Variants in SERPINA1 observed in about 807,000 individuals in gnomAD.
The protein encoded by SERPINA1 is serpin family A member 1, also known as alpha-1-antitrypsin.
SERPINA1 carries 21 observed loss-of-function variants against 25.4 expected under a neutral mutation model. That is an observed-to-expected ratio of 0.83 (90% CI 0.59 to 1.19). The LOEUF (loss-of-function observed/expected upper bound fraction) is 1.19. Ranked by LOEUF, SERPINA1 falls within the 50% of genes most tolerant of loss-of-function variation. The pLI, the probability that SERPINA1 is intolerant of heterozygous loss-of-function variation, is 0.00. For missense variants in SERPINA1, 546 were observed against 509.0 expected (o/e 1.07, Z -0.70); for synonymous variants, 218 against 211.1 (o/e 1.03, Z -0.29).
At position 94,380,555 on chromosome 14, in the gene SERPINA1, G is replaced by A. The variant is rs2070709; in HGVS notation, c.917+316C>T. 0.26 allele frequency: 110,646 copies of A among 423,328 alleles called. 16,470 individuals are homozygous for A. Among genetic ancestry groups the A allele is most frequent in the South Asian group, 0.43 (17,014 of 39,998 alleles). The allele number at this position is 423,328 out of a possible 1,614,324, so 26.2% of individuals were successfully genotyped here. On this transcript the variant is annotated intron_variant, in intron 3 of 4. Transcript: ENST00000393087. ...TGTTCCTTTTTGGTTCTGCCAGAAC[G>A]TGTGGTGGTGCTGCTGTCCCTGCCC... is the stretch of plus-strand genomic sequence containing the variant.
intron 1 of SERPINA1, among the ~76,000 whole-genome samples, chr14:94,385,733 C>A (rs1013140311): frequency 3.3e-5 from 5 of 152,146 alleles, no homozygotes; most frequent in Non-Finnish European, 7.4e-5. Flanking sequence ...GAATTCTGGG[C>A]TCAAAGGAGG....
At chr14:94,389,362 T>C (rs770216716), upstream of SERPINA1, among the ~76,000 whole-genome samples, 2 of 152,184 alleles carry the variant, frequency 1.3e-5, no homozygotes, top group Admixed American at 6.5e-5. Context: ...TGGCACACAG[T>C]AGGCTCTTTA....
At chr14:94,388,036 CTGGAGGGGA>C in intron 1 of SERPINA1, among the ~76,000 whole-genome samples, 1 of 152,176 alleles carries the variant, frequency 6.6e-6, no homozygotes, top group South Asian at 2.1e-4. Flanking sequence ...CTGGTCATAT[CTGGAGGGGA>C]TGGAGAATGT....
chr14:94,388,239 G>A (rs1897415412), intron 1 of SERPINA1, among the ~76,000 whole-genome samples: 1 of 152,196 alleles, frequency 6.6e-6, no homozygotes, highest in African/African-American at 2.4e-5. Context: ...TGCTGTTGCT[G>A]TATCTTGGCT....
At chr14:94,385,882 G>A (rs72706301) in intron 1 of SERPINA1, among the ~76,000 whole-genome samples, 4,697 of 152,296 alleles carry the variant, frequency 0.031, 281 homozygotes, top group Admixed American at 0.16. Context: ...GAAGCCCAGA[G>A]AGGGTCAGGG....
In SERPINA1 at chr14:94,379,039, G is replaced by T. The variant is rs976495618; in HGVS notation, c.1066-399C>A. 16 of 523,720 alleles carry T rather than the reference G, an allele frequency of 3.1e-5. No homozygotes were observed. In the Admixed American group the frequency reaches 3.2e-4, roughly 11 times the overall value. The allele number at this position is 523,720 out of a possible 1,614,324, so 32.4% of individuals were successfully genotyped here. A position where few individuals can be genotyped will look rare whatever the true frequency, so the allele number is the denominator to read the frequency against. ...ATTCATGGAACTGCAGTTGTTCATT[G>T]GTCGCCTTTAGTTTTCCAAAATAAG... On this transcript the variant is annotated intron_variant, in intron 4 of 4. Coordinates refer to ENST00000393087, the MANE Select transcript of SERPINA1 (RefSeq NM_000295.5).
rs866019159 is a variant in SERPINA1 at position 94,386,680 on chromosome 14, G to C, written c.-5+1880C>G. On this transcript the variant is annotated intron_variant, in intron 1 of 4. Transcript: ENST00000393087. ...GAGATGGTAGATTTCTTCCCGGAGA[G>C]CCTGCTGCACTCCCCAGGACCATTT... Among the ~76,000 whole-genome samples, 154 of 152,280 alleles carry C rather than the reference G, an allele frequency of 1.0e-3. 1 individual carries two copies. Among genetic ancestry groups the C allele is most frequent in the African/African-American group, 3.3e-3 (137 of 41,552 alleles).
In SERPINA1 at chr14:94,379,163, T is replaced by C. The variant is rs541316016; in HGVS notation, c.1065+301A>G. 6.8e-6 allele frequency: 4 copies of C among 591,492 alleles called. No individual in the cohort carries two copies. The Admixed American group carries it at 1.2e-4, about 18-fold the overall frequency. 36.6% of individuals were successfully genotyped at this position (591,492 alleles called of 1,614,324 possible). On this transcript the variant is annotated intron_variant, in intron 4 of 4. Transcript: ENST00000393087. Reference sequence around the variant, plus strand: ...TGAAACAACTTAGCCCAAACCTTTCTGTGTCAGTATGGATAAATCAAGGCC... The same window carrying C: ...TGAAACAACTTAGCCCAAACCTTTCCGTGTCAGTATGGATAAATCAAGGCC...
At chr14:94,383,610 C>A in intron 1 of SERPINA1, 1 of 311,132 alleles carries the variant, frequency 3.2e-6, no homozygotes, top group Non-Finnish European at 6.1e-6. Flanking sequence ...GGTCCTGCAC[C>A]CAGGCTCTGG....
At chr14:94,385,764 G>A in intron 1 of SERPINA1, among the ~76,000 whole-genome samples, 1 of 152,184 alleles carries the variant, frequency 6.6e-6, no homozygotes, top group Non-Finnish European at 1.5e-5. Context: ...GGTGCAGGGA[G>A]GGTGGCGAGG....
chr14:94,381,991 G>A (rs1896961813), intron 2 of SERPINA1, among the ~76,000 whole-genome samples: 1 of 152,220 alleles, frequency 6.6e-6, no homozygotes, highest in Non-Finnish European at 1.5e-5. Flanking sequence ...CTCAGGGGCA[G>A]GAAGGCAGCC....
Position 94,378,547 on chromosome 14 carries a change from C to T in SERPINA1, c.1159G>A (p.Glu387Lys), listed in dbSNP as rs121912712. The T allele has an allele frequency of 1.5e-4, 248 of 1,613,770 alleles. 1 individual carries two copies. Among genetic ancestry groups the T allele is most frequent in the East Asian group, 9.1e-4 (41 of 44,870 alleles). The stretch of plus-strand genomic sequence containing the variant: ...ACAAAGGGTTTGTTGAACTTGACCT[C>T]GGGGGGGATAGACATGGGTATGGCC... Reference protein sequence around the residue: ...LEAIPMSIPPEVKFNKPFVFL... With the variant: ...LEAIPMSIPPKVKFNKPFVFL... Residue 387 changes from glutamate to lysine, a missense_variant, in exon 5 of 5, where the codon GAG becomes AAG. Transcript: ENST00000393087.
rs1896499344 is a variant in SERPINA1 at position 94,378,176 on chromosome 14, G to A, written c.*273C>T. 1.9e-6 allele frequency: 1 copy of A among 539,458 alleles called. No homozygotes were observed. Among genetic ancestry groups the A allele is most frequent in the Admixed American group, 3.2e-5 (1 of 31,680 alleles). 33.4% of individuals were successfully genotyped at this position (539,458 alleles called of 1,614,324 possible). A position where few individuals can be genotyped will look rare whatever the true frequency, so the allele number is the denominator to read the frequency against. On this transcript the variant is annotated 3_prime_UTR_variant, in exon 5 of 5. Transcript: ENST00000393087. ...ACTGGAGCCCTCCAGAAACAGATGG[G>A]CCCAGGTCCGTAAGCTGAGGATTCA...
At chr14:94,390,100 C>T (rs770304531), upstream of SERPINA1, among the ~76,000 whole-genome samples, 1 of 152,150 alleles carries the variant, frequency 6.6e-6, no homozygotes, top group African/African-American at 2.4e-5. Context: ...TTCCTCCAGG[C>T]AGTCTCTCAT....
At chr14:94,386,296 G>T (rs1897281403) in intron 1 of SERPINA1, among the ~76,000 whole-genome samples, 1 of 152,190 alleles carries the variant, frequency 6.6e-6, no homozygotes, top group Admixed American at 6.5e-5. Flanking sequence ...AGCACTCTTT[G>T]CGGGGCCAGG....
rs1896497657 is a variant in SERPINA1, at chr14:94,378,140, G to A, written c.*309C>T. 6.7e-6 allele frequency: 3 copies of A among 450,302 alleles called. No homozygotes were observed. In the South Asian group the frequency reaches 7.3e-5, roughly 11 times the overall value. 27.9% of individuals were successfully genotyped at this position (450,302 alleles called of 1,614,324 possible). On this transcript the variant is annotated 3_prime_UTR_variant, in exon 5 of 5. Coordinates refer to ENST00000393087, the MANE Select transcript of SERPINA1 (RefSeq NM_000295.5). ...ATTCCTTCTTGGGGACTCCAAGACA[G>A]GACAAGGAAGACTGGAGCCCTCCAG...
chr14:94,379,317 A>T, intron 4 of SERPINA1, 147 bp downstream of exon 4: 1 of 1,203,158 alleles, frequency 8.3e-7, no homozygotes, highest in Non-Finnish European at 1.2e-6. Flanking sequence ...GTCCCGTGTC[A>T]GTGAATCACG....
chr14:94,381,048 C>G lies in SERPINA1; in HGVS notation c.740G>C (p.Arg247Pro). ...VTTVKVPMMK[R>P]LGMFNIQHCK... ...GTGCTGGATGTTAAACATGCCTAAA[C>G]GCTTCATCATAGGCACCTTCACGGT... Residue 247 changes from arginine (R) to proline (P), a missense_variant, in exon 3 of 5, where the codon CGT becomes CCT. Arg to Pro is a moderately radical substitution (Grantham distance 103). Transcript: ENST00000393087. 3 of 1,614,038 alleles carry G rather than the reference C, an allele frequency of 1.9e-6. No individual in the cohort carries two copies. Among genetic ancestry groups the G allele is most frequent in the Non-Finnish European group, 2.5e-6 (3 of 1,180,018 alleles).
At position 94,376,782 on chromosome 14, in the gene SERPINA1, A is replaced by G. The variant is rs893965856; in HGVS notation, c.*1667T>C. ...GTAGTTCTATTTATTCTCTGTTCTA[A>G]TGGGTATAAACATTTTGTTATCTAA... On this transcript the variant is annotated 3_prime_UTR_variant, in exon 5 of 5. Coordinates refer to ENST00000393087, the MANE Select transcript of SERPINA1 (RefSeq NM_000295.5). 6.6e-6 allele frequency: 1 copy of G among 152,216 alleles called. No homozygotes were observed. Among genetic ancestry groups the G allele is most frequent in the African/African-American group, 2.4e-5 (1 of 41,448 alleles). The allele number at this position is 152,216 out of a possible 1,614,324, so 9.4% of individuals were successfully genotyped here.
Sources: gnomAD v4.1 joint callset for allele counts (sites outside exome capture counted in the v4.1 genomes callset) on GRCh38, gnomAD v4.1.1 for gene constraint, MANE v1.5 for transcripts, NCBI Gene and HGNC (gene_info 2026-07-23, HGNC 2026-07-21) for gene names.